Variants in HSF2 observed in about 807,000 individuals in gnomAD.
HSF2 encodes the protein heat shock factor protein 2.
HSF2 carries 21 observed loss-of-function variants against 65.0 expected under a neutral mutation model. The ratio of observed to expected loss-of-function variants is 0.32; its 90% CI spans 0.23 to 0.47. HSF2 has a LOEUF of 0.47. Ranked by LOEUF, HSF2 falls within the 20% of genes least tolerant of loss-of-function variation. The pLI, the probability that HSF2 is intolerant of heterozygous loss-of-function variation, is 1.00. For synonymous variants in HSF2, 225 were observed against 219.1 expected, an observed-to-expected ratio of 1.03 and a Z score of -0.24; for missense variants, 499 against 628.1, an observed-to-expected ratio of 0.79 and a Z score of 2.20.
chr6:122,412,933 T>TAAAA (rs375000491), intron 3 of HSF2, among the ~76,000 whole-genome samples, 169 bp downstream of exon 3: 1 of 140,832 alleles, frequency 7.1e-6, no homozygotes. Flanking sequence ...TAAGTTAGCT[T>TAAAA]AAAAAAAAAA....
intron 1 of HSF2, among the ~76,000 whole-genome samples, chr6:122,411,297 G>C (rs1204033126): frequency 6.6e-6 from 1 of 151,408 alleles, no homozygotes; most frequent in Non-Finnish European, 1.5e-5. Context: ...TTTTTTATCG[G>C]GTTGTTTGGG....
intron 6 of HSF2, among the ~76,000 whole-genome samples, chr6:122,419,934 A>G (rs1332633987): frequency 1.1e-4 from 16 of 152,174 alleles, no homozygotes; most frequent in Admixed American, 9.8e-4. Context: ...AGAAAAGTGG[A>G]GAACTGAAAG....
chr6:122,419,706 G>A lies in HSF2; in HGVS notation c.594-429G>A, dbSNP rs928001814. On this transcript the variant is annotated intron_variant, in intron 6 of 12. Coordinates refer to ENST00000368455, the MANE Select transcript of HSF2 (RefSeq NM_004506.4). ...CAGCTAAAACATTAGAAGAATAATG[G>A]ACAAAAGGAATAGTTGGAAGGAAAA... 2.4e-4 allele frequency among the ~76,000 whole-genome samples: 37 copies of A among 152,076 alleles called. 1 individual carries two copies. The highest frequency in any genetic ancestry group is 3.2e-4 in the Non-Finnish European group (22 of 68,004).
At position 122,422,271 on chromosome 6, in the gene HSF2, A is replaced by C. The variant is rs1157544404; in HGVS notation, c.803A>C (p.Asn268Thr). ...AATATCCCAGTTATTCCAGAAACTA[A>C]TGAGGATGTTATATCTGATCCCTCC... ...EENIPVIPET[N>T]EDVISDPSNC... is the part of the protein sequence containing the mutation. The change falls in exon 8 of 13, where the codon AAT (asparagine) becomes ACT (threonine). Residue 268 changes from asparagine to threonine, a missense_variant. This residue lies in a region of HSF2 where 349 missense variants were observed against 393.5 expected (regional missense o/e 0.89). Coordinates refer to ENST00000368455, the MANE Select transcript of HSF2 (RefSeq NM_004506.4). 21 of 1,599,578 alleles carry C rather than the reference A, an allele frequency of 1.3e-5. No individual in the cohort carries two copies. The highest frequency in any genetic ancestry group is 1.6e-5 in the Non-Finnish European group (19 of 1,167,734).
chr6:122,400,999 C>A (rs2114413933), intron 1 of HSF2, among the ~76,000 whole-genome samples: 1 of 152,246 alleles, frequency 6.6e-6, no homozygotes, highest in South Asian at 2.1e-4. Flanking sequence ...AGGGAGTGAG[C>A]ACCATATTAA....
At chr6:122,415,239 C>T (rs1315159687) in intron 4 of HSF2, among the ~76,000 whole-genome samples, 1 of 152,128 alleles carries the variant, frequency 6.6e-6, no homozygotes, top group Admixed American at 6.6e-5. Context: ...TATGCTTTTT[C>T]AGAATAACAT....
chr6:122,401,442 T>C (rs952898876), intron 1 of HSF2, among the ~76,000 whole-genome samples: 1 of 152,222 alleles, frequency 6.6e-6, no homozygotes, highest in Non-Finnish European at 1.5e-5. Context: ...GCTATATATA[T>C]TGGCAGTTGC....
chr6:122,422,025 A>G (rs576150832), intron 7 of HSF2, 125 bp from the exon 8 acceptor site: 27 of 647,500 alleles, frequency 4.2e-5, no homozygotes, highest in Middle Eastern at 8.5e-4. Context: ...AGAGCAGAGA[A>G]CACACCTGTT....
At chr6:122,405,256 TAAAAAAA>T (rs367766925) in intron 1 of HSF2, among the ~76,000 whole-genome samples, 6 of 123,712 alleles carry the variant, frequency 4.8e-5, no homozygotes, top group African/African-American at 9.0e-5. Context: ...CCCTGTCTCT[TAAAAAAA>T]AAAAAAAAAA....
intron 10 of HSF2, among the ~76,000 whole-genome samples, chr6:122,426,406 T>G (rs1453977195): frequency 6.6e-6 from 1 of 152,040 alleles, no homozygotes; most frequent in Non-Finnish European, 1.5e-5. Context: ...AGGATATCCC[T>G]GAGTTAGTGG....
chr6:122,406,930 A>G (rs1773880438), intron 1 of HSF2, among the ~76,000 whole-genome samples: 1 of 152,232 alleles, frequency 6.6e-6, no homozygotes, highest in African/African-American at 2.4e-5. Context: ...CCACACTCCA[A>G]AATGTCCAAG....
At chr6:122,416,122 G>A in intron 4 of HSF2, 99 bp from the exon 5 acceptor site, 1 of 718,470 alleles carries the variant, frequency 1.4e-6, no homozygotes, top group East Asian at 2.7e-5. Flanking sequence ...GTAAAAACAA[G>A]TGTAGTTCAG....
At chr6:122,428,707 T>C (rs971354264) in intron 11 of HSF2, among the ~76,000 whole-genome samples, 1 of 152,022 alleles carries the variant, frequency 6.6e-6, no homozygotes, top group Non-Finnish European at 1.5e-5. Context: ...TTTATTTTGA[T>C]TCTTTTTCTT....
intron 7 of HSF2, among the ~76,000 whole-genome samples, chr6:122,420,683 A>T: frequency 1.7e-5 from 1 of 58,650 alleles, no homozygotes; most frequent in Non-Finnish European, 3.7e-5. Context: ...AAACATAGCG[A>T]TTTAGTTTAT....
chr6:122,416,330 C>T, intron 5 of HSF2, 34 bp downstream of exon 5: 2 of 1,475,658 alleles, frequency 1.4e-6, no homozygotes, highest in Non-Finnish European at 1.9e-6. Context: ...CCATAATTTG[C>T]ATTTGTTTAA....
chr6:122,427,620 A>T (rs1313291685), intron 10 of HSF2, among the ~76,000 whole-genome samples: 10 of 152,050 alleles, frequency 6.6e-5, no homozygotes, highest in Admixed American at 6.6e-4. Flanking sequence ...ATAAATAATG[A>T]AGAAGGGAGG....
intron 7 of HSF2, among the ~76,000 whole-genome samples, chr6:122,420,637 C>CTT (rs67028816): frequency 0.13 from 17,741 of 138,408 alleles, 1,315 homozygotes; most frequent in East Asian, 0.22. Flanking sequence ...TATAGTGTGG[C>CTT]TTTTTTTTAA....
chr6:122,414,807 G>A (rs1284952626), intron 4 of HSF2, among the ~76,000 whole-genome samples: 3 of 152,088 alleles, frequency 2.0e-5, no homozygotes, highest in East Asian at 3.9e-4. Context: ...AGTAGAGATG[G>A]GGTTTCACTG....
intron 1 of HSF2, among the ~76,000 whole-genome samples, chr6:122,409,506 A>C (rs988585285): frequency 6.6e-6 from 1 of 152,018 alleles, no homozygotes; most frequent in Non-Finnish European, 1.5e-5. Flanking sequence ...ATTGAAAAAG[A>C]AGGTATAAGA....
Sources: gnomAD v4.1 joint callset for allele counts (sites outside exome capture counted in the v4.1 genomes callset) on GRCh38, gnomAD v4.1.1 for gene constraint, gnomAD v4.1.1 regional missense constraint, MANE v1.5 for transcripts, NCBI Gene and HGNC (gene_info 2026-07-23, HGNC 2026-07-21) for gene names.